GLRA2: variants seen among roughly 807,000 people sequenced by gnomAD.
The protein encoded by GLRA2 is glycine receptor subunit alpha-2.
Under a neutral mutation model 31.6 loss-of-function variants are expected in GLRA2, and 11 were observed. The observed-to-expected ratio is 0.35, with a 90% CI of 0.22 to 0.58. The LOEUF (loss-of-function observed/expected upper bound fraction) is 0.58. Among genes scored for constraint, GLRA2 ranks in the 20% least tolerant of loss-of-function variants. The pLI is 0.84. For missense variants in GLRA2, 212 were observed against 351.8 expected (o/e 0.60, Z 3.18); for synonymous variants, 132 against 134.0 (o/e 0.99, Z 0.10).
At chrX:14,699,988 G>A (rs1026258155) in intron 8 of GLRA2, among the ~76,000 whole-genome samples, 19 of 111,709 alleles carry the variant, frequency 1.7e-4, no homozygotes, top group African/African-American at 5.9e-4. Flanking sequence ...AGGGTGGAGG[G>A]TGGAAGGACA....
Position 14,633,265 on chromosome X carries a change from T to G in GLRA2, c.930+24060T>G, listed in dbSNP as rs1463335322. On this transcript the variant is annotated intron_variant, in intron 7 of 8. Coordinates refer to ENST00000218075, the MANE Select transcript of GLRA2 (RefSeq NM_002063.4). Reference sequence around the variant, plus strand: ...AATCCCAGCACTTTGGGAGGCTGAGTTGGGAGGACTGCTTGAGGCCAAGAG... The same window carrying G: ...AATCCCAGCACTTTGGGAGGCTGAGGTGGGAGGACTGCTTGAGGCCAAGAG... 1.2e-4 allele frequency among the ~76,000 whole-genome samples: 13 copies of G among 111,140 alleles called. No individual in the cohort carries two copies. The Admixed American group carries it at 1.2e-3, about 11-fold the overall frequency.
chrX:14,651,760 T>C (rs912413626), intron 7 of GLRA2, among the ~76,000 whole-genome samples: 1 of 111,886 alleles, frequency 8.9e-6, no homozygotes, highest in Admixed American at 9.5e-5. Flanking sequence ...TGATTGTATA[T>C]AGCCTAATGC....
the GLRA2 span, among the ~76,000 whole-genome samples, chrX:14,507,467 C>T: frequency 9.0e-6 from 1 of 110,779 alleles, no homozygotes; most frequent in Non-Finnish European, 1.9e-5. Context: ...CAGGACTACT[C>T]TAAATGTGGT....
At chrX:14,505,034 A>G in the GLRA2 span, among the ~76,000 whole-genome samples, 36 of 112,043 alleles carry the variant, frequency 3.2e-4, no homozygotes, top group Non-Finnish European at 3.8e-4. Context: ...CCTGACAGTG[A>G]CATATTCAAA....
the GLRA2 span, among the ~76,000 whole-genome samples, chrX:14,485,810 A>G: frequency 2.7e-5 from 3 of 111,509 alleles, no homozygotes; most frequent in African/African-American, 9.8e-5. Context: ...CTCCAGAGTG[A>G]TACTTTAAAG....
At chrX:14,600,583 G>A (rs1256257835) in intron 4 of GLRA2, among the ~76,000 whole-genome samples, 2 of 110,222 alleles carry the variant, frequency 1.8e-5, no homozygotes, top group African/African-American at 6.6e-5. Context: ...TTATGTTTAT[G>A]GGGCACAAAG....
rs1651215169 is a variant in GLRA2 at position 14,529,636 on chromosome X, A to G, written c.-422A>G. 1 of 145,864 alleles carries G rather than the reference A, an allele frequency of 6.9e-6. No homozygotes were observed. Among genetic ancestry groups the G allele is most frequent in the South Asian group, 1.6e-4 (1 of 6,118 alleles). 12.0% of individuals were successfully genotyped at this position (145,864 alleles called of 1,213,427 possible). A position where few individuals can be genotyped will look rare whatever the true frequency, so the allele number is the denominator to read the frequency against. On this transcript the variant is annotated 5_prime_UTR_variant, in exon 1 of 9. Coordinates refer to ENST00000218075, the MANE Select transcript of GLRA2 (RefSeq NM_002063.4). ...CAGAGTCCTTTCTTCTCTCTCATTT[A>G]CAACTTCTTTTTAAAAGAAAACATT...
intron 7 of GLRA2, among the ~76,000 whole-genome samples, chrX:14,613,783 A>G (rs896021728): frequency 2.7e-5 from 3 of 110,938 alleles, no homozygotes; most frequent in Admixed American, 9.6e-5. Flanking sequence ...GAGGGTCTGA[A>G]TAAGATATGA....
chrX:14,466,026 T>C, the GLRA2 span, among the ~76,000 whole-genome samples: 5 of 112,102 alleles, frequency 4.5e-5, no homozygotes, highest in African/African-American at 1.6e-4. Context: ...GCTTATTGTT[T>C]TATTCCAGAC....
At chrX:14,695,002 C>T (rs927582228) in intron 8 of GLRA2, among the ~76,000 whole-genome samples, 2 of 111,531 alleles carry the variant, frequency 1.8e-5, no homozygotes. Context: ...GTTCAGATGC[C>T]CATGAGACAT....
chrX:14,466,792 C>T, the GLRA2 span, among the ~76,000 whole-genome samples: 1 of 112,172 alleles, frequency 8.9e-6, no homozygotes, highest in African/African-American at 3.2e-5. Flanking sequence ...GCATTAAATA[C>T]TTGATTCCCC....
chrX:14,459,012 C>G, the GLRA2 span, among the ~76,000 whole-genome samples: 43 of 111,990 alleles, frequency 3.8e-4, 1 homozygote, highest in African/African-American at 1.1e-3. Context: ...TTAGGTCTAA[C>G]ATTTAAGTCT....
In GLRA2 at chrX:14,529,759, G is replaced by A. The variant is rs1452601734; in HGVS notation, c.-299G>A. The A allele has an allele frequency of 8.7e-6, 3 of 343,025 alleles. No individual in the cohort carries two copies. Among genetic ancestry groups the A allele is most frequent in the Non-Finnish European group, 5.0e-6 (1 of 199,231 alleles). 28.3% of individuals were successfully genotyped at this position (343,025 alleles called of 1,213,427 possible). ...ACCAACTCCCTTTGCATGGTGATGC[G>A]ATTAAGGTAGCAGCATTTTTATTAT... On this transcript the variant is annotated 5_prime_UTR_variant, in exon 1 of 9. Coordinates refer to ENST00000218075, the MANE Select transcript of GLRA2 (RefSeq NM_002063.4).
intron 6 of GLRA2, among the ~76,000 whole-genome samples, chrX:14,608,761 T>C (rs2090365477): frequency 9.0e-6 from 1 of 111,035 alleles, no homozygotes. Flanking sequence ...AGTGACTCTT[T>C]AGATCACACA....
chrX:14,534,090 T>A (rs1198612228), intron 2 of GLRA2, among the ~76,000 whole-genome samples: 1 of 111,072 alleles, frequency 9.0e-6, no homozygotes, highest in East Asian at 2.8e-4. Flanking sequence ...GAATGAGCCA[T>A]CATTTCCACA....
intron 4 of GLRA2, among the ~76,000 whole-genome samples, chrX:14,586,451 C>A (rs1470587588): frequency 1.8e-5 from 2 of 112,222 alleles, no homozygotes; most frequent in East Asian, 5.5e-4. Flanking sequence ...TATTGATCAT[C>A]TCTGACAAGA....
intron 8 of GLRA2, among the ~76,000 whole-genome samples, chrX:14,727,310 T>C (rs1406215263): frequency 8.9e-6 from 1 of 112,039 alleles, no homozygotes; most frequent in Non-Finnish European, 1.9e-5. Flanking sequence ...ATTATTGGCA[T>C]GAGGTCCCTG....
At chrX:14,498,799 A>G in the GLRA2 span, among the ~76,000 whole-genome samples, 2 of 111,095 alleles carry the variant, frequency 1.8e-5, no homozygotes, top group East Asian at 5.7e-4. Context: ...GATAACCATC[A>G]ATTTCCTGTC....
chrX:14,514,407 A>C, the GLRA2 span, among the ~76,000 whole-genome samples: 1 of 111,384 alleles, frequency 9.0e-6, no homozygotes, highest in Admixed American at 9.6e-5. Context: ...GAAATAAAAA[A>C]TAAGTTTTTT....
Sources: allele counts gnomAD v4.1 joint callset (sites outside exome capture counted in the v4.1 genomes callset), GRCh38; gene constraint gnomAD v4.1.1; transcripts MANE v1.5; gene names NCBI Gene and HGNC (gene_info 2026-07-23, HGNC 2026-07-21).